The following ZNF845 variants were observed in gnomAD, a reference collection of about 807,000 sequenced individuals.
ZNF845 encodes zinc finger protein 845.
In ZNF845, 59 loss-of-function variants were observed where a neutral mutation model predicts 76.1. The ratio of observed to expected loss-of-function variants is 0.78; its 90% CI spans 0.63 to 0.96. The LOEUF is 0.96. ZNF845 is among the 40% of genes least tolerant of loss of function. The pLI is 0.00. For synonymous variants in ZNF845, 361 were observed against 386.9 expected (o/e 0.93, Z 0.78); for missense variants, 1,045 against 1,172.8 (o/e 0.89, Z 1.59).
At position 53,351,604 on chromosome 19, in the gene ZNF845, G is replaced by T. The variant is rs565297561; in HGVS notation, c.929G>T (p.Arg310Leu). ...AGTGAGTGTGGCAAGACCTTCAGTCGAAATTCAGCCCTTGTAATTCATAAG... is the reference window on the plus strand; with the variant it reads ...AGTGAGTGTGGCAAGACCTTCAGTCTAAATTCAGCCCTTGTAATTCATAAG... ...KCSECGKTFS[R>L]NSALVIHKAI... is the part of the protein sequence containing the mutation. The change falls in exon 4 of 4, where the codon CGA (arginine) becomes CTA (leucine). Residue 310 changes from arginine (R) to leucine (L), a missense_variant. Transcript: ENST00000458035. 1 of 1,613,264 alleles carries T rather than the reference G, an allele frequency of 6.2e-7. No individual in the cohort carries two copies. The highest frequency in any genetic ancestry group is 1.7e-5 in the Admixed American group (1 of 59,942).
chr19:53,345,774 C>CAT lies in ZNF845; in HGVS notation c.142+142_142+143insAT. 2.7e-6 allele frequency: 4 copies of CAT among 1,505,592 alleles called. No homozygotes were observed. The South Asian group carries it at 5.4e-5, about 20-fold the overall frequency. 93.3% of individuals were successfully genotyped at this position (1,505,592 alleles called of 1,614,324 possible). A position where few individuals can be genotyped will look rare whatever the true frequency, so the allele number is the denominator to read the frequency against. On this transcript the variant is annotated intron_variant, in intron 3 of 3. Coordinates refer to ENST00000458035, the MANE Select transcript of ZNF845 (RefSeq NM_138374.3). ...CATGTCTTACTGCAATCTTGAATTC[C>CAT]TGGGCTCATGTGATTGTCCCACCTC...
rs2085366219 is a variant in ZNF845 at position 53,354,014 on chromosome 19, G to A, written c.*426G>A. ...TGGAGAGAAACCTTACAAATGTCAT[G>A]ATTGTGGCAAGGTCTTCAGTCTAGC... On this transcript the variant is annotated 3_prime_UTR_variant, in exon 4 of 4. Coordinates refer to ENST00000458035, the MANE Select transcript of ZNF845 (RefSeq NM_138374.3). 6 of 483,950 alleles carry A rather than the reference G, an allele frequency of 1.2e-5. No homozygotes were observed. Among genetic ancestry groups the A allele is most frequent in the Non-Finnish European group, 2.3e-5 (6 of 261,926 alleles). 30.0% of individuals were successfully genotyped at this position (483,950 alleles called of 1,614,324 possible).
chr19:53,336,532 A>G lies in ZNF845; in HGVS notation c.-74+2740A>G, dbSNP rs148020476. 2.4e-4 allele frequency among the ~76,000 whole-genome samples: 37 copies of G among 152,196 alleles called. No homozygotes were observed. The East Asian group carries it at 6.4e-3, about 26-fold the overall frequency. ...CTCAAAAAAACAAACACCACCACCA[A>G]AAAATGAAAGCAAAAGGCACATCAA... On this transcript the variant is annotated intron_variant, in intron 1 of 3. Coordinates refer to ENST00000458035, the MANE Select transcript of ZNF845 (RefSeq NM_138374.3).
intron 1 of ZNF845, among the ~76,000 whole-genome samples, chr19:53,338,168 G>A (rs1303017338): frequency 6.6e-6 from 1 of 152,150 alleles, no homozygotes; most frequent in Non-Finnish European, 1.5e-5. Context: ...CAAGTGCAAG[G>A]ATGGTCCCAC....
intron 3 of ZNF845, among the ~76,000 whole-genome samples, chr19:53,347,718 T>C (rs4803095): frequency 0.92 from 139,796 of 152,264 alleles, 64,387 homozygotes; most frequent in African/African-American, 0.98. Context: ...TGATGAGATG[T>C]TCCTGTTCCT....
chr19:53,352,001 A>C lies in ZNF845; in HGVS notation c.1326A>C (p.Glu442Asp), dbSNP rs1253465747. 1 of 1,613,596 alleles carries C rather than the reference A, an allele frequency of 6.2e-7. No individual in the cohort carries two copies. Among genetic ancestry groups the C allele is most frequent in the Non-Finnish European group, 8.5e-7 (1 of 1,179,862 alleles). Residue 442 changes from glutamate (E) to aspartate (D), a missense_variant, in exon 4 of 4, where the codon GAA becomes GAC. By Grantham distance (45) the Glu-to-Asp change is conservative (BLOSUM62 2). Transcript: ENST00000458035. ...LHTGEKPYKC[E>D]ECDEAFSFKS... ...CTGGAGAGAAACCTTACAAATGTGA[A>C]GAATGTGATGAAGCTTTCAGTTTCA... is the stretch of plus-strand genomic sequence containing the variant.
chr19:53,352,915 A>G lies in ZNF845; in HGVS notation c.2240A>G (p.Tyr747Cys). ...HLRLHTGEKP[Y>C]KCEECDKVFS... The stretch of plus-strand genomic sequence containing the variant: ...AGACTTCATACTGGAGAGAAACCTT[A>G]CAAATGTGAAGAATGTGACAAAGTT... The change falls in exon 4 of 4, where the codon TAC (tyrosine) becomes TGC (cysteine). Residue 747 changes from tyrosine (Y) to cysteine (C), a missense_variant. Transcript: ENST00000458035. 1 of 1,614,144 alleles carries G rather than the reference A, an allele frequency of 6.2e-7. No individual in the cohort carries two copies. The highest frequency in any genetic ancestry group is 8.5e-7 in the Non-Finnish European group (1 of 1,180,024).
chr19:53,349,413 C>T (rs982336185), intron 3 of ZNF845, among the ~76,000 whole-genome samples: 4 of 151,496 alleles, frequency 2.6e-5, no homozygotes, highest in Non-Finnish European at 4.4e-5. Context: ...TACTGCCACC[C>T]GCCATCACAC....
chr19:53,348,957 A>G (rs921113830), intron 3 of ZNF845, among the ~76,000 whole-genome samples: 9 of 149,746 alleles, frequency 6.0e-5, no homozygotes, highest in African/African-American at 2.2e-4. Context: ...CCTGGGTTCA[A>G]ACGATTCTCC....
At chr19:53,344,378 A>G (rs2085278506) in intron 2 of ZNF845, among the ~76,000 whole-genome samples, 1 of 152,014 alleles carries the variant, frequency 6.6e-6, no homozygotes, top group Non-Finnish European at 1.5e-5. Flanking sequence ...TTTCTACTAA[A>G]AATACAAAAA....
chr19:53,344,936 G>A (rs184676372), intron 2 of ZNF845, among the ~76,000 whole-genome samples: 14 of 152,182 alleles, frequency 9.2e-5, no homozygotes, highest in Admixed American at 9.2e-4. Context: ...ACTGTGCCCG[G>A]CTCCTGCATT....
At chr19:53,344,644 T>TGTTATGTTATGTTATGTTATGTTATGTTA (rs1347350507) in intron 2 of ZNF845, among the ~76,000 whole-genome samples, 33 of 150,934 alleles carry the variant, frequency 2.2e-4, no homozygotes, top group Admixed American at 7.4e-4. Context: ...TTTTATTTTA[T>TGTTATGTTATGTTATGTTATGTTATGTTA]TTTGGGATGG....
At chr19:53,346,215 T>G in intron 3 of ZNF845, 1 of 260,442 alleles carries the variant, frequency 3.8e-6, no homozygotes, top group South Asian at 3.0e-5. Flanking sequence ...TCTTGTAGGT[T>G]TTTTTGGTTA....
chr19:53,338,501 G>A (rs2085231669), intron 1 of ZNF845, among the ~76,000 whole-genome samples: 1 of 151,786 alleles, frequency 6.6e-6, no homozygotes. Flanking sequence ...GGACCTGAGG[G>A]GCATGAAGGA....
In ZNF845 at chr19:53,350,908, A is replaced by G; in HGVS notation, c.233A>G (p.Glu78Gly). Residue 78 changes from glutamate to glycine, a missense_variant, in exon 4 of 4, where the codon GAA becomes GGA. Physicochemically the swap from Glu to Gly is moderately conservative, Grantham distance 98. Coordinates refer to ENST00000458035, the MANE Select transcript of ZNF845 (RefSeq NM_138374.3). ...CACACAGGGACATTGCAAAGACATG[A>G]ACGTCATCACATTGGAGATTTTTGC... ...VIHTGTLQRH[E>G]RHHIGDFCFQ... The G allele has an allele frequency of 6.2e-7, 1 of 1,614,214 alleles. No homozygotes were observed. The highest frequency in any genetic ancestry group is 8.5e-7 in the Non-Finnish European group (1 of 1,180,050).
In ZNF845 at chr19:53,355,881, A is replaced by G. The variant is rs2147053297; in HGVS notation, c.*2293A>G. 6.6e-6 allele frequency: 1 copy of G among 152,220 alleles called. No individual in the cohort carries two copies. The highest frequency in any genetic ancestry group is 1.9e-4 in the East Asian group (1 of 5,180). 9.4% of individuals were successfully genotyped at this position (152,220 alleles called of 1,614,324 possible). On this transcript the variant is annotated 3_prime_UTR_variant, in exon 4 of 4. Coordinates refer to ENST00000458035, the MANE Select transcript of ZNF845 (RefSeq NM_138374.3). ...GAGTTCTGTGAAATGCTTTTTCTCT[A>G]TCTATTGAGATAATGTGTTTTTTAT...
intron 2 of ZNF845, among the ~76,000 whole-genome samples, chr19:53,344,646 T>TATGTTATGTTATGTTATGTTATGTTA (rs1220368250): frequency 1.3e-5 from 2 of 151,380 alleles, no homozygotes; most frequent in Admixed American, 6.7e-5. Context: ...TTATTTTATT[T>TATGTTATGTTATGTTATGTTATGTTA]TGGGATGGAG....
intron 1 of ZNF845, 164 bp from the exon 2 acceptor site, chr19:53,341,071 G>GT (rs58916393): frequency 0.18 from 123,094 of 692,878 alleles, 12,004 homozygotes; most frequent in African/African-American, 0.3. Context: ...GCTTCTTTCT[G>GT]TTTTTTCACC....
chr19:53,341,823 G>C (rs548636274), intron 2 of ZNF845, among the ~76,000 whole-genome samples: 1 of 152,282 alleles, frequency 6.6e-6, no homozygotes, highest in African/African-American at 2.4e-5. Flanking sequence ...AAAAATCTTA[G>C]TAATTAGAAT....
Sources: allele counts gnomAD v4.1 joint callset (sites outside exome capture counted in the v4.1 genomes callset), GRCh38; gene constraint gnomAD v4.1.1; transcripts MANE v1.5; gene names NCBI Gene and HGNC (gene_info 2026-07-23, HGNC 2026-07-21).